KASH5: variants seen among roughly 807,000 people sequenced by gnomAD.
KASH5 encodes protein KASH5.
Under a neutral mutation model 84.2 loss-of-function variants are expected in KASH5, and 72 were observed. That is an observed-to-expected ratio of 0.85 (90% CI 0.71 to 1.04). The LOEUF (loss-of-function observed/expected upper bound fraction) is 1.04. Ranked by LOEUF, KASH5 falls within the 50% of genes least tolerant of loss-of-function variation. KASH5 has a pLI of 0.00. For synonymous variants in KASH5, 260 were observed against 279.1 expected (o/e 0.93, Z 0.68); for missense variants, 650 against 701.0 (o/e 0.93, Z 0.82).
rs112484068 is a variant in KASH5 at position 49,395,615 on chromosome 19, C to T, written c.336-154C>T. 2.0e-4 allele frequency: 150 copies of T among 739,694 alleles called. 1 individual carries two copies. The African/African-American group carries it at 2.3e-3, about 11-fold the overall frequency. The allele number at this position is 739,694 out of a possible 1,614,324, so 45.8% of individuals were successfully genotyped here. A position where few individuals can be genotyped will look rare whatever the true frequency, so the allele number is the denominator to read the frequency against. ...CCCCTCCTGCTTTTCCATCTGGCCA[C>T]GGGCACTTGCCATCTGGCCTCACCC... On this transcript the variant is annotated intron_variant, in intron 4 of 19. Coordinates refer to ENST00000447857, the MANE Select transcript of KASH5 (RefSeq NM_144688.5). This position sits in a 1 kb window ranked among gnomAD's most constrained non-coding sequence, Gnocchi z 4.4.
intron 15 of KASH5, among the ~76,000 whole-genome samples, chr19:49,411,880 GA>G (rs1974719875): frequency 6.6e-6 from 1 of 150,758 alleles, no homozygotes; most frequent in African/African-American, 2.4e-5. Context: ...TGGAAGGAAG[GA>G]AGGAAGGAAG....
chr19:49,409,936 C>T lies in KASH5; in HGVS notation c.1269+61C>T, dbSNP rs928324258. 30 of 1,582,452 alleles carry T rather than the reference C, an allele frequency of 1.9e-5. No homozygotes were observed. The African/African-American group carries it at 3.3e-4, about 17-fold the overall frequency. ...GAAAGGGGCCAGGAGCTCCAGGTGC[C>T]GCCCTGGCCAGCCCATTCACTCACA... is the stretch of plus-strand genomic sequence containing the variant. On this transcript the variant is annotated intron_variant, in intron 15 of 19. Transcript: ENST00000447857.
At position 49,394,532 on chromosome 19, in the gene KASH5, G is replaced by A; in HGVS notation, c.100G>A (p.Glu34Lys). The A allele has an allele frequency of 6.2e-7, 1 of 1,613,792 alleles. No homozygotes were observed. ...GCTGGGAATGCCGGTCAGCTTGGAGGAGCAAATACTCAACTCCACGTTCGA... is the reference window on the plus strand; with the variant it reads ...GCTGGGAATGCCGGTCAGCTTGGAGAAGCAAATACTCAACTCCACGTTCGA... Reference protein sequence around the residue: ...ARLGMPVSLEEQILNSTFEAC... With the variant: ...ARLGMPVSLEKQILNSTFEAC... The change falls in exon 3 of 20, where the codon GAG becomes AAG. Residue 34 changes from glutamate (E) to lysine (K), a missense_variant. By Grantham distance (56) the Glu-to-Lys change is moderately conservative (BLOSUM62 1). Coordinates refer to ENST00000447857, the MANE Select transcript of KASH5 (RefSeq NM_144688.5).
rs571792896 is a variant in KASH5, at chr19:49,414,144, G to A, written c.1329-807G>A. Among the ~76,000 whole-genome samples the A allele has an allele frequency of 4.6e-5, 7 of 152,020 alleles. No homozygotes were observed. Among genetic ancestry groups the A allele is most frequent in the Non-Finnish European group, 8.8e-5 (6 of 67,962 alleles). ...GGAGGGGCCTCCCTAGGAGCCTCCC[G>A]CCGAGGCAGGGTCAGGAGCCAGATC... is the stretch of plus-strand genomic sequence containing the variant. On this transcript the variant is annotated intron_variant, in intron 16 of 19. Coordinates refer to ENST00000447857, the MANE Select transcript of KASH5 (RefSeq NM_144688.5). This position sits in a 1 kb window ranked among gnomAD's most constrained non-coding sequence, Gnocchi z 4.5.
intron 9 of KASH5, among the ~76,000 whole-genome samples, chr19:49,406,322 A>T (rs1974525173): frequency 6.6e-6 from 1 of 152,174 alleles, no homozygotes; most frequent in Non-Finnish European, 1.5e-5. Context: ...GCGATTATTA[A>T]CCTATCTAAT....
rs942688956 is a variant in KASH5 at position 49,399,135 on chromosome 19, G to T, written c.740G>T (p.Arg247Leu). The T allele has an allele frequency of 6.5e-7, 1 of 1,549,568 alleles. No homozygotes were observed. Among genetic ancestry groups the T allele is most frequent in the South Asian group, 1.2e-5 (1 of 83,812 alleles). The change falls in exon 8 of 20, where the codon CGG becomes CTG. Residue 247 changes from arginine to leucine, a missense_variant. Transcript: ENST00000447857. The surrounding 1 kb of genome is among the most constrained non-coding windows in gnomAD (Gnocchi z 4.4). Reference sequence around the variant, plus strand: ...AATCGCAGCCTTCTGGCCCAAGCCCGGCAGGCGGTGGGTCTGGCCCAGGGG... The same window carrying T: ...AATCGCAGCCTTCTGGCCCAAGCCCTGCAGGCGGTGGGTCTGGCCCAGGGG... ...EQNRSLLAQA[R>L]QAEKEQQHLV...
chr19:49,412,983 G>C lies in KASH5; in HGVS notation c.1285G>C (p.Glu429Gln), dbSNP rs1223779658. ...GTTTCCACAGAGAAACTTCCAGGGAGAGCCAGCGCACCCTGAAGAAGGAAG... is the reference window on the plus strand; with the variant it reads ...GTTTCCACAGAGAAACTTCCAGGGACAGCCAGCGCACCCTGAAGAAGGAAG... ...PAGGQRNFQG[E>Q]PAHPEEGRKE... Residue 429 changes from glutamate (E) to glutamine (Q), a missense_variant, in exon 16 of 20, where the codon GAG becomes CAG. Coordinates refer to ENST00000447857, the MANE Select transcript of KASH5 (RefSeq NM_144688.5). The surrounding 1 kb of genome is among the most constrained non-coding windows in gnomAD (Gnocchi z 4.6). 9 of 1,613,752 alleles carry C rather than the reference G, an allele frequency of 5.6e-6. No homozygotes were observed. In the South Asian group the frequency reaches 9.9e-5, roughly 18 times the overall value.
At chr19:49,394,229 A>G (rs1244935585) in intron 2 of KASH5, among the ~76,000 whole-genome samples, 1 of 152,116 alleles carries the variant, frequency 6.6e-6, no homozygotes, top group African/African-American at 2.4e-5. Context: ...CTGGGCTCCT[A>G]AGCCAATTGG....
chr19:49,412,874 G>T lies in KASH5; in HGVS notation c.1270-94G>T. On this transcript the variant is annotated intron_variant, in intron 15 of 19. Coordinates refer to ENST00000447857, the MANE Select transcript of KASH5 (RefSeq NM_144688.5). This position sits in a 1 kb window ranked among gnomAD's most constrained non-coding sequence, Gnocchi z 4.6. ...AGCCTGGAAGACCTTTTGTATATGGGGTCTGGGACCGGCGGGGGAGACAGT... is the reference window on the plus strand; with the variant it reads ...AGCCTGGAAGACCTTTTGTATATGGTGTCTGGGACCGGCGGGGGAGACAGT... 7.9e-7 allele frequency: 1 copy of T among 1,272,700 alleles called. No individual in the cohort carries two copies. Among genetic ancestry groups the T allele is most frequent in the Non-Finnish European group, 1.1e-6 (1 of 884,418 alleles). 78.8% of individuals were successfully genotyped at this position (1,272,700 alleles called of 1,614,324 possible). A position where few individuals can be genotyped will look rare whatever the true frequency, so the allele number is the denominator to read the frequency against.
chr19:49,409,714 T>C, intron 14 of KASH5, 39 bp from the exon 15 acceptor site: 2 of 1,612,992 alleles, frequency 1.2e-6, no homozygotes, highest in Non-Finnish European at 1.7e-6. Context: ...TCTACCTTAA[T>C]ATGGCTCTCC....
rs1446075435 is a variant in KASH5 at position 49,395,319 on chromosome 19, C to G, written c.335+27C>G. The G allele has an allele frequency of 6.2e-7, 1 of 1,604,848 alleles. No homozygotes were observed. The highest frequency in any genetic ancestry group is 8.5e-7 in the Non-Finnish European group (1 of 1,176,656). The stretch of plus-strand genomic sequence containing the variant: ...TGAGTCCCCACATCTTCATCCTCCT[C>G]TGGGAAGTCCTTCCTAAGATCTAAC... On this transcript the variant is annotated intron_variant, in intron 4 of 19. Transcript: ENST00000447857. This position sits in a 1 kb window ranked among gnomAD's most constrained non-coding sequence, Gnocchi z 4.4.
intron 15 of KASH5, among the ~76,000 whole-genome samples, chr19:49,411,931 GGAAGGAA>G (rs1974726262): frequency 1.1e-5 from 1 of 92,598 alleles, no homozygotes; most frequent in Admixed American, 1.0e-4. Flanking sequence ...AAGGAAGGAA[GGAAGGAA>G]GGAAGGAAGG....
intron 15 of KASH5, among the ~76,000 whole-genome samples, chr19:49,411,096 T>A (rs1254221432): frequency 1.3e-5 from 2 of 151,900 alleles, no homozygotes; most frequent in Non-Finnish European, 2.9e-5. Flanking sequence ...TGTGCCACCA[T>A]GTGTAGCTAA....
chr19:49,411,165 TG>T (rs1974697347), intron 15 of KASH5, among the ~76,000 whole-genome samples: 1 of 151,880 alleles, frequency 6.6e-6, no homozygotes, highest in Non-Finnish European at 1.5e-5. Flanking sequence ...GCTGAACTCC[TG>T]GGGTCAAGTG....
Position 49,414,955 on chromosome 19 carries a change from A to G in KASH5, c.1333A>G (p.Thr445Ala). The stretch of plus-strand genomic sequence containing the variant: ...AGTGACTTTGTTGGCCCTCAGGTTG[A>G]CCAGAAGAGAGGAAGAGGAGGATGC... ...EGRKEPSMWL[T>A]RREEEEDAES... Residue 445 changes from threonine (T) to alanine (A), a missense_variant, in exon 17 of 20, where the codon ACC (threonine) becomes GCC (alanine). Transcript: ENST00000447857. This position sits in a 1 kb window ranked among gnomAD's most constrained non-coding sequence, Gnocchi z 4.5. 1 of 1,612,822 alleles carries G rather than the reference A, an allele frequency of 6.2e-7. No individual in the cohort carries two copies. Among genetic ancestry groups the G allele is most frequent in the Non-Finnish European group, 8.5e-7 (1 of 1,179,528 alleles).
chr19:49,414,847 C>T lies in KASH5; in HGVS notation c.1329-104C>T, dbSNP rs957016224. 1 of 1,393,922 alleles carries T rather than the reference C, an allele frequency of 7.2e-7. No homozygotes were observed. The highest frequency in any genetic ancestry group is 1.0e-6 in the Non-Finnish European group (1 of 1,004,130). The allele number at this position is 1,393,922 out of a possible 1,614,324, so 86.3% of individuals were successfully genotyped here. ...CCCAGGCCCGTCCGTGCTGCCTGGC[C>T]TGTGCTAAGACCCCCTGCTCCAAGG... On this transcript the variant is annotated intron_variant, in intron 16 of 19. Coordinates refer to ENST00000447857, the MANE Select transcript of KASH5 (RefSeq NM_144688.5). The surrounding 1 kb of genome is among the most constrained non-coding windows in gnomAD (Gnocchi z 4.5).
chr19:49,405,836 A>T (rs1209066081), intron 9 of KASH5, among the ~76,000 whole-genome samples: 1 of 151,762 alleles, frequency 6.6e-6, no homozygotes, highest in Non-Finnish European at 1.5e-5. Flanking sequence ...CATGCCTGTA[A>T]TCCCAGCTAC....
chr19:49,408,504 A>G (rs1360208851), intron 12 of KASH5, among the ~76,000 whole-genome samples: 2 of 149,564 alleles, frequency 1.3e-5, no homozygotes, highest in Non-Finnish European at 3.0e-5. Context: ...GCTGGAGTGC[A>G]GTGGTGCAAT....
intron 2 of KASH5, among the ~76,000 whole-genome samples, chr19:49,392,680 G>T (rs1479603582): frequency 6.6e-6 from 1 of 152,140 alleles, no homozygotes; most frequent in Admixed American, 6.6e-5. Flanking sequence ...GCGAGGCCAA[G>T]GTGGGCGGAT....
Sources: allele counts gnomAD v4.1 joint callset (sites outside exome capture counted in the v4.1 genomes callset), GRCh38; gene constraint gnomAD v4.1.1; non-coding constraint Gnocchi (gnomAD v3.1); transcripts MANE v1.5; gene names NCBI Gene and HGNC (gene_info 2026-07-23, HGNC 2026-07-21).